GRIK4: variants seen among roughly 807,000 people sequenced by gnomAD.
GRIK4 encodes the protein glutamate ionotropic receptor kainate type subunit 4, also known as glutamate receptor ionotropic, kainate 4.
In GRIK4, 40 loss-of-function variants were observed where a neutral mutation model predicts 104.9. That is an observed-to-expected ratio of 0.38 (90% CI 0.30 to 0.50). The LOEUF (loss-of-function observed/expected upper bound fraction) is 0.50. GRIK4 is among the 20% of genes least tolerant of loss of function. The pLI is 0.93. For missense variants in GRIK4, 1,047 were observed against 1,308.1 expected, an observed-to-expected ratio of 0.80 and a Z score of 3.08; for synonymous variants, 485 against 524.9, an observed-to-expected ratio of 0.92 and a Z score of 1.04.
At chr11:120,948,080 C>A (rs904908293) in intron 14 of GRIK4, among the ~76,000 whole-genome samples, 2 of 152,158 alleles carry the variant, frequency 1.3e-5, no homozygotes, top group African/African-American at 4.8e-5. Flanking sequence ...CCATTGCAGA[C>A]ACACTGAGGG....
chr11:120,828,701 C>T (rs1318931776), intron 6 of GRIK4, among the ~76,000 whole-genome samples: 2 of 152,130 alleles, frequency 1.3e-5, no homozygotes, highest in Non-Finnish European at 2.9e-5. Context: ...CAATTCTGGG[C>T]GGGATGCGGA....
rs535755970 is a variant in GRIK4, at chr11:120,919,211, G to GTTTAAGGAACATGAAGAGTGCAT, written c.1476+13720_1476+13742dup. On this transcript the variant is annotated intron_variant, in intron 13 of 20. Coordinates refer to ENST00000527524, the MANE Select transcript of GRIK4 (RefSeq NM_014619.5). The stretch of plus-strand genomic sequence containing the variant: ...GTGTGAGGTCTGAAATGTATGCCAA[G>GTTTAAGGAACATGAAGAGTGCAT]TTTAAGGAACATGAAGAGTGCATTG... Among the ~76,000 whole-genome samples, 719 of 152,294 alleles carry GTTTAAGGAACATGAAGAGTGCAT rather than the reference G, an allele frequency of 4.7e-3. 8 individuals are homozygous for GTTTAAGGAACATGAAGAGTGCAT. Among genetic ancestry groups the GTTTAAGGAACATGAAGAGTGCAT allele is most frequent in the Non-Finnish European group, 7.1e-3 (481 of 68,024 alleles).
intron 1 of GRIK4, among the ~76,000 whole-genome samples, chr11:120,650,917 A>C (rs546644059): frequency 2.6e-5 from 4 of 152,202 alleles, no homozygotes; most frequent in Non-Finnish European, 5.9e-5. Flanking sequence ...AAGATGATAC[A>C]AATGTCATTT....
In GRIK4 at chr11:120,953,505, C is replaced by G. The variant is rs573047256; in HGVS notation, c.1700+541C>G. Among the ~76,000 whole-genome samples the G allele has an allele frequency of 9.5e-4, 145 of 152,162 alleles. 1 individual carries two copies. Among genetic ancestry groups the G allele is most frequent in the Non-Finnish European group, 1.4e-3 (94 of 68,022 alleles). ...GGGCCTGCCTCTGAAAACACAGCTG[C>G]CTTGTCGAATGGGAACCATGGAGGC... On this transcript the variant is annotated intron_variant, in intron 15 of 20. Transcript: ENST00000527524. This position sits in a 1 kb window ranked among gnomAD's most constrained non-coding sequence, Gnocchi z 4.9.
chr11:120,961,332 C>T (rs1247498690), intron 17 of GRIK4, among the ~76,000 whole-genome samples: 3 of 152,068 alleles, frequency 2.0e-5, no homozygotes, highest in Admixed American at 2.0e-4. Flanking sequence ...TGTGGTGGAA[C>T]TGTTTTTTAG....
intron 1 of GRIK4, among the ~76,000 whole-genome samples, chr11:120,549,000 C>T (rs1948113676): frequency 6.6e-6 from 1 of 152,196 alleles, no homozygotes; most frequent in Non-Finnish European, 1.5e-5. Context: ...AGGCCCAGGA[C>T]ACAGCACCTC....
At chr11:120,685,638 A>G (rs998308618) in intron 3 of GRIK4, among the ~76,000 whole-genome samples, 1 of 151,978 alleles carries the variant, frequency 6.6e-6, no homozygotes, top group African/African-American at 2.4e-5. Context: ...TCTTTTCCCT[A>G]TCAAACTCAT....
intron 8 of GRIK4, among the ~76,000 whole-genome samples, chr11:120,842,562 A>T (rs1362389043): frequency 6.6e-6 from 1 of 152,248 alleles, no homozygotes. Context: ...TAAAAAAGCA[A>T]CTAGAATCCC....
At chr11:120,626,304 G>A (rs953315256) in intron 1 of GRIK4, among the ~76,000 whole-genome samples, 2 of 152,200 alleles carry the variant, frequency 1.3e-5, no homozygotes, top group Non-Finnish European at 1.5e-5. Context: ...CCAAGGGAAT[G>A]GAAGAAAGGC....
intron 3 of GRIK4, among the ~76,000 whole-genome samples, chr11:120,741,381 C>T (rs542237888): frequency 2.7e-5 from 4 of 149,278 alleles, no homozygotes; most frequent in African/African-American, 7.4e-5. Flanking sequence ...CAGGTTCAAG[C>T]GATTCTCCTG....
At chr11:120,745,086 G>A (rs190970919) in intron 3 of GRIK4, among the ~76,000 whole-genome samples, 5 of 152,276 alleles carry the variant, frequency 3.3e-5, no homozygotes, top group Admixed American at 2.0e-4. Flanking sequence ...GGGAATGACC[G>A]TCCCACCTCA....
At chr11:120,530,824 A>G (rs1947916117) in intron 1 of GRIK4, among the ~76,000 whole-genome samples, 1 of 152,170 alleles carries the variant, frequency 6.6e-6, no homozygotes. Context: ...GCTGGATGGC[A>G]TTTTGGGATG....
At chr11:120,890,575 T>C (rs947194756) in intron 11 of GRIK4, among the ~76,000 whole-genome samples, 5 of 152,260 alleles carry the variant, frequency 3.3e-5, no homozygotes, top group African/African-American at 1.2e-4. Context: ...CAATCTCAGT[T>C]TAATCTCCTA....
intron 3 of GRIK4, among the ~76,000 whole-genome samples, chr11:120,774,095 C>G (rs762743479): frequency 5.3e-5 from 8 of 152,182 alleles, no homozygotes; most frequent in Admixed American, 2.0e-4. Context: ...CAGCCAATTG[C>G]GTCACCAGAC....
intron 3 of GRIK4, among the ~76,000 whole-genome samples, chr11:120,720,925 A>G (rs1369696562): frequency 6.6e-6 from 1 of 152,126 alleles, no homozygotes; most frequent in African/African-American, 2.4e-5. Context: ...GAGAGGGACA[A>G]GAAGTTAAAG....
At chr11:120,581,455 A>G (rs149418296) in intron 1 of GRIK4, among the ~76,000 whole-genome samples, 180 of 152,344 alleles carry the variant, frequency 1.2e-3, no homozygotes, top group East Asian at 4.6e-3. Flanking sequence ...ACCATTTTAA[A>G]TGTACAGTTC....
chr11:120,637,517 G>A (rs751216498), intron 1 of GRIK4, among the ~76,000 whole-genome samples: 8 of 152,146 alleles, frequency 5.3e-5, no homozygotes, highest in East Asian at 1.9e-4. Flanking sequence ...TTTACAGAGC[G>A]CCTGGATACG....
At chr11:120,737,929 A>G (rs940621411) in intron 3 of GRIK4, among the ~76,000 whole-genome samples, 1 of 152,192 alleles carries the variant, frequency 6.6e-6, no homozygotes. Flanking sequence ...TTTACAATAA[A>G]CAGGTAAAAA....
rs2135138187 is a variant in GRIK4, at chr11:120,605,676, C to G, written c.-158-48009C>G. 2.6e-5 allele frequency among the ~76,000 whole-genome samples: 4 copies of G among 152,322 alleles called. No individual in the cohort carries two copies. In the Middle Eastern group the frequency reaches 0.01, roughly 389 times the overall value. Reference sequence around the variant, plus strand: ...AAGTGAGGGAGGCCTTGTTTTCATCCTCAGAGAGCTTACAGCATAGCAGGG... The same window carrying G: ...AAGTGAGGGAGGCCTTGTTTTCATCGTCAGAGAGCTTACAGCATAGCAGGG... On this transcript the variant is annotated intron_variant, in intron 1 of 20. Coordinates refer to ENST00000527524, the MANE Select transcript of GRIK4 (RefSeq NM_014619.5).
Sources: allele counts gnomAD v4.1 joint callset (sites outside exome capture counted in the v4.1 genomes callset), GRCh38; gene constraint gnomAD v4.1.1; non-coding constraint Gnocchi (gnomAD v3.1); transcripts MANE v1.5; gene names NCBI Gene and HGNC (gene_info 2026-07-23, HGNC 2026-07-21).